The following STAM2 variants were observed in gnomAD, a reference collection of about 807,000 sequenced individuals.
STAM2 encodes signal transducing adapter molecule 2.
STAM2 carries 51 observed loss-of-function variants against 65.6 expected under a neutral mutation model. The observed-to-expected ratio is 0.78, with a 90% CI of 0.62 to 0.98. The LOEUF is 0.98. Among genes scored for constraint, STAM2 ranks in the 50% least tolerant of loss-of-function variants. The probability of loss-of-function intolerance (pLI) is 0.00; values close to 1 mark genes in which losing one functional copy is unlikely to be tolerated. For synonymous variants in STAM2, 198 were observed against 208.4 expected, an observed-to-expected ratio of 0.95 and a Z score of 0.43; for missense variants, 584 against 617.8, an observed-to-expected ratio of 0.95 and a Z score of 0.58.
At chr2:152,147,444 C>T (rs1052510599) in intron 4 of STAM2, 136 bp from the exon 5 acceptor site, 1 of 815,264 alleles carries the variant, frequency 1.2e-6, no homozygotes, top group Non-Finnish European at 1.8e-6. Flanking sequence ...AATTTCTAGC[C>T]TAGTTGAGTA....
chr2:152,134,662 A>G (rs1051589534), intron 8 of STAM2, among the ~76,000 whole-genome samples: 1 of 152,202 alleles, frequency 6.6e-6, no homozygotes. Flanking sequence ...ATCACTTACT[A>G]GACACATAAT....
chr2:152,175,515 C>G, intron 1 of STAM2, 88 bp downstream of exon 1: 21 of 1,548,954 alleles, frequency 1.4e-5, no homozygotes, highest in Non-Finnish European at 1.9e-5. Context: ...TTCCTAGTCC[C>G]CGGAGTCGCT....
In STAM2 at chr2:152,135,491, G is replaced by T; in HGVS notation, c.799+18C>A. 1 of 1,541,646 alleles carries T rather than the reference G, an allele frequency of 6.5e-7. No homozygotes were observed. Among genetic ancestry groups the T allele is most frequent in the Non-Finnish European group, 8.9e-7 (1 of 1,120,062 alleles). On this transcript the variant is annotated intron_variant, in intron 8 of 13. Transcript: ENST00000263904. ...AAAAAACTTAAATAGATCTAATGTCGTCTAAGATTTAACTTACCTGCCTCA... is the reference window on the plus strand; with the variant it reads ...AAAAAACTTAAATAGATCTAATGTCTTCTAAGATTTAACTTACCTGCCTCA...
chr2:152,173,071 T>C (rs564552220), intron 1 of STAM2, among the ~76,000 whole-genome samples: 4 of 151,914 alleles, frequency 2.6e-5, no homozygotes, highest in African/African-American at 9.6e-5. Flanking sequence ...CTCTGTTTCC[T>C]CCATTAGATT....
chr2:152,174,436 A>C (rs1221493743), intron 1 of STAM2, among the ~76,000 whole-genome samples: 1 of 152,236 alleles, frequency 6.6e-6, no homozygotes, highest in Non-Finnish European at 1.5e-5. Context: ...CCACCAAAAA[A>C]AAAGTTTAAT....
intron 1 of STAM2, among the ~76,000 whole-genome samples, chr2:152,165,841 A>G (rs1689772359): frequency 6.6e-6 from 1 of 152,362 alleles, no homozygotes; most frequent in East Asian, 1.9e-4. Flanking sequence ...AAAAGAGAAC[A>G]TTCATTTAGC....
chr2:152,126,770 G>C (rs1181148804), intron 11 of STAM2, among the ~76,000 whole-genome samples: 1 of 152,202 alleles, frequency 6.6e-6, no homozygotes, highest in Non-Finnish European at 1.5e-5. Flanking sequence ...AAATCAGACT[G>C]ATTACAGGTC....
At chr2:152,131,857 C>CA (rs1256429697) in intron 11 of STAM2, 2 of 425,802 alleles carry the variant, frequency 4.7e-6, no homozygotes, top group Non-Finnish European at 8.4e-6. Flanking sequence ...TCACTAGAAG[C>CA]ATGCTAGAAC....
chr2:152,175,748 C>T lies in STAM2; in HGVS notation c.-106G>A, dbSNP rs1690009967. ...GCTCCCTAGACCGCTCCGCTTCGGC[C>T]TCCGTCCCTGCACTTCCGCCACCGC... On this transcript the variant is annotated 5_prime_UTR_variant, in exon 1 of 14. Transcript: ENST00000263904. The T allele has an allele frequency of 4.7e-6, 6 of 1,269,672 alleles. No homozygotes were observed. Among genetic ancestry groups the T allele is most frequent in the Non-Finnish European group, 6.7e-6 (6 of 900,994 alleles). The allele number at this position is 1,269,672 out of a possible 1,614,324, so 78.7% of individuals were successfully genotyped here.
At chr2:152,153,769 C>A (rs1689488544) in intron 1 of STAM2, among the ~76,000 whole-genome samples, 1 of 152,036 alleles carries the variant, frequency 6.6e-6, no homozygotes, top group South Asian at 2.1e-4. Context: ...TTCTGAACTA[C>A]ATATCTAATA....
rs1310336660 is a variant in STAM2 at position 152,120,296 on chromosome 2, T to C, written c.*278A>G. ...TTGTCATAAGGCTACTTAATGAGTATCTAGATTTATGTAGAGAAATCTGAA... is the reference window on the plus strand; with the variant it reads ...TTGTCATAAGGCTACTTAATGAGTACCTAGATTTATGTAGAGAAATCTGAA... On this transcript the variant is annotated 3_prime_UTR_variant, in exon 14 of 14. Transcript: ENST00000263904. 11 of 427,906 alleles carry C rather than the reference T, an allele frequency of 2.6e-5. No individual in the cohort carries two copies. Among genetic ancestry groups the C allele is most frequent in the Non-Finnish European group, 4.2e-5 (10 of 235,932 alleles). The allele number at this position is 427,906 out of a possible 1,614,324, so 26.5% of individuals were successfully genotyped here.
intron 1 of STAM2, among the ~76,000 whole-genome samples, chr2:152,159,309 T>A (rs1689615682): frequency 1.3e-5 from 2 of 148,464 alleles, no homozygotes; most frequent in African/African-American, 5.0e-5. Context: ...GAAACACTTG[T>A]CTCTAAAACA....
rs1279435687 is a variant in STAM2, at chr2:152,119,197, T to C, written c.*1377A>G. ...CATGTATGTATTTGCAATTTCTATT[T>C]TCCAATATGTAAAAAGTTGGTAGAC... On this transcript the variant is annotated 3_prime_UTR_variant, in exon 14 of 14. Transcript: ENST00000263904. 1.3e-5 allele frequency: 2 copies of C among 152,238 alleles called. No individual in the cohort carries two copies. The highest frequency in any genetic ancestry group is 2.4e-5 in the African/African-American group (1 of 41,470). 9.4% of individuals were successfully genotyped at this position (152,238 alleles called of 1,614,324 possible). A position where few individuals can be genotyped will look rare whatever the true frequency, so the allele number is the denominator to read the frequency against.
chr2:152,147,349 G>C (rs1466457919), intron 4 of STAM2, 41 bp from the exon 5 acceptor site: 3 of 1,470,384 alleles, frequency 2.0e-6, no homozygotes, highest in Non-Finnish European at 2.7e-6. Context: ...AAAATCTACG[G>C]TTAAAATAAG....
intron 1 of STAM2, among the ~76,000 whole-genome samples, chr2:152,157,927 A>G (rs62176480): frequency 0.37 from 56,246 of 152,092 alleles, 12,639 homozygotes; most frequent in Non-Finnish European, 0.51. Flanking sequence ...AATGTAATTT[A>G]GCCTCCCTAC....
chr2:152,166,886 G>A (rs1358056376), intron 1 of STAM2, among the ~76,000 whole-genome samples: 1 of 152,174 alleles, frequency 6.6e-6, no homozygotes, highest in Non-Finnish European at 1.5e-5. Flanking sequence ...GTAAAATTCT[G>A]AGTCACTACA....
At chr2:152,125,670 C>T (rs1048091030) in intron 12 of STAM2, among the ~76,000 whole-genome samples, 1 of 152,112 alleles carries the variant, frequency 6.6e-6, no homozygotes, top group African/African-American at 2.4e-5. Flanking sequence ...CATATCTTTG[C>T]TATGCACAGA....
intron 7 of STAM2, among the ~76,000 whole-genome samples, chr2:152,138,371 C>T (rs1406401819): frequency 6.6e-6 from 1 of 151,738 alleles, no homozygotes; most frequent in Non-Finnish European, 1.5e-5. Flanking sequence ...CTGAGAATGA[C>T]TTTTTTTTAC....
intron 1 of STAM2, among the ~76,000 whole-genome samples, chr2:152,168,883 T>C (rs1055449443): frequency 1.3e-5 from 2 of 152,232 alleles, no homozygotes; most frequent in Non-Finnish European, 2.9e-5. Context: ...CAACTGGTTA[T>C]CCAATTCAAT....
Sources: gnomAD v4.1 joint callset for allele counts (sites outside exome capture counted in the v4.1 genomes callset) on GRCh38, gnomAD v4.1.1 for gene constraint, MANE v1.5 for transcripts, NCBI Gene and HGNC (gene_info 2026-07-23, HGNC 2026-07-21) for gene names.